The following MTA3 variants were observed in gnomAD, a reference collection of about 807,000 sequenced individuals.
The protein encoded by MTA3 is metastasis associated 1 family member 3, also known as metastasis-associated protein MTA3.
Under a neutral mutation model 83.5 loss-of-function variants are expected in MTA3, and 34 were observed. The ratio of observed to expected loss-of-function variants is 0.41; its 90% CI spans 0.31 to 0.54. MTA3 has a LOEUF of 0.54. MTA3 is among the 20% of genes least tolerant of loss of function. MTA3 has a pLI of 0.33. For synonymous variants in MTA3, 303 were observed against 252.7 expected (o/e 1.20, Z -1.89); for missense variants, 761 against 726.4 (o/e 1.05, Z -0.55).
chr2:42,603,064 C>T (rs1682778362), intron 3 of MTA3, among the ~76,000 whole-genome samples: 1 of 151,708 alleles, frequency 6.6e-6, no homozygotes, highest in Non-Finnish European at 1.5e-5. Flanking sequence ...TTATGGCTTC[C>T]TCATAGCCTC....
intron 9 of MTA3, among the ~76,000 whole-genome samples, chr2:42,686,696 G>A (rs1353278633): frequency 6.6e-6 from 1 of 152,084 alleles, no homozygotes; most frequent in Non-Finnish European, 1.5e-5. Flanking sequence ...GCATGCTAGT[G>A]CAGGCCTGTA....
At chr2:42,726,893 A>G (rs1008446840) in intron 16 of MTA3, among the ~76,000 whole-genome samples, 2 of 152,224 alleles carry the variant, frequency 1.3e-5, no homozygotes, top group African/African-American at 4.8e-5. Context: ...CCAAAGGTGA[A>G]GATGAAAGAT....
rs571380652 is a variant in MTA3 at position 42,515,452 on chromosome 2, G to A, written c.-141+20198G>A. On this transcript the variant is annotated intron_variant, in intron 2 of 17. Transcript: ENST00000405592. ...TCCCACCTCAACTTCCCGAGTAGCT[G>A]AGATTATAGGCATGTGCTGCTGCAT... 9.8e-4 allele frequency among the ~76,000 whole-genome samples: 149 copies of A among 152,234 alleles called. 3 individuals are homozygous for A. In the South Asian group the frequency reaches 0.02, roughly 20 times the overall value.
At chr2:42,640,610 C>T (rs1312689248) in intron 5 of MTA3, among the ~76,000 whole-genome samples, 1 of 152,000 alleles carries the variant, frequency 6.6e-6, no homozygotes, top group East Asian at 1.9e-4. Context: ...TAGACTGTTT[C>T]CAGATGAGAT....
At chr2:42,681,387 C>T (rs573603300) in intron 8 of MTA3, among the ~76,000 whole-genome samples, 9 of 152,154 alleles carry the variant, frequency 5.9e-5, no homozygotes, top group Non-Finnish European at 1.3e-4. Flanking sequence ...TACATGATTC[C>T]TCAACCCAAT....
intron 4 of MTA3, among the ~76,000 whole-genome samples, chr2:42,621,745 CT>C (rs1412290812): frequency 6.7e-6 from 1 of 150,198 alleles, no homozygotes; most frequent in Non-Finnish European, 1.5e-5. Flanking sequence ...GACGGGGCGG[CT>C]GCCGGGCGGA....
intron 16 of MTA3, among the ~76,000 whole-genome samples, chr2:42,743,976 A>G (rs1245575127): frequency 6.6e-6 from 1 of 152,254 alleles, no homozygotes; most frequent in African/African-American, 2.4e-5. Context: ...TGTCTCTGGA[A>G]GAACTTGAGT....
intron 8 of MTA3, among the ~76,000 whole-genome samples, chr2:42,671,583 C>T (rs186954163): frequency 5.4e-4 from 82 of 152,190 alleles, no homozygotes; most frequent in Admixed American, 5.3e-3. Context: ...GTGAATGTCC[C>T]TCTAATTATC....
intron 3 of MTA3, among the ~76,000 whole-genome samples, chr2:42,593,673 T>C (rs945087608): frequency 3.3e-5 from 5 of 149,670 alleles, no homozygotes; most frequent in African/African-American, 5.0e-5. Context: ...CGGAGGACTA[T>C]GGCATCTATC....
chr2:42,509,111 T>C (rs1353319431), intron 2 of MTA3, among the ~76,000 whole-genome samples: 1 of 151,896 alleles, frequency 6.6e-6, no homozygotes, highest in Non-Finnish European at 1.5e-5. Flanking sequence ...GGCGTGATCT[T>C]GGCTCACTGC....
intron 11 of MTA3, chr2:42,702,184 C>T (rs181736991): frequency 6.6e-6 from 1 of 152,528 alleles, no homozygotes; most frequent in East Asian, 1.9e-4. Context: ...GCACTCCAGC[C>T]TGGGTCACAA....
At chr2:42,626,110 T>G (rs1245057803) in intron 4 of MTA3, among the ~76,000 whole-genome samples, 1 of 150,572 alleles carries the variant, frequency 6.6e-6, no homozygotes, top group Non-Finnish European at 1.5e-5. Flanking sequence ...TCTCAGCTAA[T>G]TTTTTTGTAT....
intron 2 of MTA3, among the ~76,000 whole-genome samples, chr2:42,498,433 C>T (rs1450530113): frequency 1.3e-5 from 2 of 152,154 alleles, no homozygotes; most frequent in Non-Finnish European, 2.9e-5. Flanking sequence ...CCGGTGTGGA[C>T]TGAAGGTGCT....
intron 3 of MTA3, among the ~76,000 whole-genome samples, chr2:42,607,946 G>A (rs542595614): frequency 5.3e-5 from 8 of 152,094 alleles, no homozygotes; most frequent in Non-Finnish European, 7.4e-5. Context: ...GCGAGACTCC[G>A]TCTAAAAAAA....
At chr2:42,549,906 C>CA (rs1677038044) in intron 2 of MTA3, among the ~76,000 whole-genome samples, 1 of 151,158 alleles carries the variant, frequency 6.6e-6, no homozygotes, top group Admixed American at 6.7e-5. Context: ...CCAGTGTATC[C>CA]AGGCTGTACC....
intron 11 of MTA3, among the ~76,000 whole-genome samples, chr2:42,700,634 T>C (rs1264521915): frequency 1.3e-5 from 2 of 152,312 alleles, no homozygotes; most frequent in Non-Finnish European, 2.9e-5. Flanking sequence ...GGTAAACCTC[T>C]GGCCAGTCAT....
intron 9 of MTA3, among the ~76,000 whole-genome samples, chr2:42,693,691 A>G (rs2104465829): frequency 6.6e-6 from 1 of 152,316 alleles, no homozygotes; most frequent in East Asian, 1.9e-4. Flanking sequence ...AATTCTGTTC[A>G]GGAACTGAGG....
intron 3 of MTA3, 101 bp downstream of exon 3, chr2:42,579,301 A>C (rs116367677): frequency 1.2e-6 from 1 of 826,422 alleles, no homozygotes; most frequent in South Asian, 1.8e-5. Context: ...TTGCTTGTCC[A>C]TTTATCTTCT....
intron 12 of MTA3, among the ~76,000 whole-genome samples, chr2:42,704,585 T>G (rs1665902513): frequency 6.6e-6 from 1 of 152,230 alleles, no homozygotes; most frequent in Non-Finnish European, 1.5e-5. Context: ...TAGCAGTGTT[T>G]GCTGAGTTGT....
Sources: allele counts gnomAD v4.1 joint callset (sites outside exome capture counted in the v4.1 genomes callset), GRCh38; gene constraint gnomAD v4.1.1; transcripts MANE v1.5; gene names NCBI Gene and HGNC (gene_info 2026-07-23, HGNC 2026-07-21).